Variants in ZNF385D observed in about 807,000 individuals in gnomAD.
ZNF385D encodes zinc finger protein 385D.
A neutral mutation model predicts 35.8 loss-of-function variants in ZNF385D; 15 were observed. The observed-to-expected ratio is 0.42, with a 90% CI of 0.28 to 0.64. The LOEUF is 0.64. ZNF385D is among the 30% of genes least tolerant of loss of function. The probability of loss-of-function intolerance (pLI) is 0.23; values close to 1 mark genes in which losing one functional copy is unlikely to be tolerated. For synonymous variants in ZNF385D, 212 were observed against 186.8 expected, an observed-to-expected ratio of 1.13 and a Z score of -1.10; for missense variants, 474 against 494.6, an observed-to-expected ratio of 0.96 and a Z score of 0.39.
At chr3:22,122,260 T>G (rs557484111) in intron 3 of ZNF385D, among the ~76,000 whole-genome samples, 1 of 152,286 alleles carries the variant, frequency 6.6e-6, no homozygotes, top group East Asian at 1.9e-4. Flanking sequence ...AGCTTGCAAG[T>G]GACAAGCATC....
intron 3 of ZNF385D, among the ~76,000 whole-genome samples, chr3:21,797,225 A>G (rs1483678814): frequency 6.6e-6 from 1 of 152,224 alleles, no homozygotes; most frequent in Non-Finnish European, 1.5e-5. Context: ...AAATAAGCCA[A>G]TGAAAAGATT....
At chr3:22,355,427 AAC>A (rs1423187910) in intron 2 of ZNF385D, among the ~76,000 whole-genome samples, 1 of 152,006 alleles carries the variant, frequency 6.6e-6, no homozygotes, top group African/African-American at 2.4e-5. Context: ...TCAGTAAAAC[AAC>A]AGTCAGACCT....
At chr3:21,964,522 C>T (rs1224008814) in intron 3 of ZNF385D, among the ~76,000 whole-genome samples, 2 of 125,880 alleles carry the variant, frequency 1.6e-5, no homozygotes, top group Non-Finnish European at 3.2e-5. Context: ...CGGAGTCTCA[C>T]TCTGTCGCCC....
intron 1 of ZNF385D, among the ~76,000 whole-genome samples, chr3:21,699,311 G>A (rs2067586749): frequency 6.6e-6 from 1 of 151,932 alleles, no homozygotes; most frequent in South Asian, 2.1e-4. Context: ...ACACAGGGAG[G>A]GGAACATCAC....
At chr3:21,500,524 T>C (rs1408801958) in intron 4 of ZNF385D, among the ~76,000 whole-genome samples, 1 of 152,214 alleles carries the variant, frequency 6.6e-6, no homozygotes, top group African/African-American at 2.4e-5. Flanking sequence ...GATTTGTTCA[T>C]GTTTCTGTGC....
intron 2 of ZNF385D, among the ~76,000 whole-genome samples, chr3:22,199,543 T>C (rs1215851268): frequency 1.3e-5 from 2 of 152,018 alleles, no homozygotes; most frequent in Non-Finnish European, 1.5e-5. Context: ...TTAATATTAC[T>C]GAAAAAGTCT....
chr3:21,976,445 C>T (rs1703629499), intron 3 of ZNF385D, among the ~76,000 whole-genome samples: 2 of 151,918 alleles, frequency 1.3e-5, no homozygotes, highest in Non-Finnish European at 1.5e-5. Context: ...AATACAATAA[C>T]TAAAATTGAT....
At chr3:21,580,820 T>C (rs1045941085) in intron 2 of ZNF385D, among the ~76,000 whole-genome samples, 1 of 151,974 alleles carries the variant, frequency 6.6e-6, no homozygotes, top group Non-Finnish European at 1.5e-5. Flanking sequence ...TATATATATA[T>C]GTATATACAT....
rs137989771 is a variant in ZNF385D at position 21,556,214 on chromosome 3, C to G, written c.276+8360G>C. On this transcript the variant is annotated intron_variant, in intron 3 of 7. Transcript: ENST00000281523. ...GATAGTTTCTTTTGCTGTGCAGAAG[C>G]TCTTTAGCTTAATTAGATCTCATTT... Among the ~76,000 whole-genome samples the G allele has an allele frequency of 1.3e-5, 2 of 151,904 alleles. 1 individual carries two copies. The highest frequency in any genetic ancestry group is 4.1e-4 in the South Asian group (2 of 4,820).
At chr3:21,701,424 C>A (rs1228831551) in intron 1 of ZNF385D, among the ~76,000 whole-genome samples, 1 of 152,116 alleles carries the variant, frequency 6.6e-6, no homozygotes, top group East Asian at 1.9e-4. Context: ...TCAGTTACCT[C>A]CCCCTGGGTC....
intron 3 of ZNF385D, among the ~76,000 whole-genome samples, chr3:21,994,882 A>G (rs1002785289): frequency 1.3e-5 from 2 of 152,182 alleles, no homozygotes; most frequent in African/African-American, 2.4e-5. Flanking sequence ...AGGCTTGGCT[A>G]TGTATGGGTA....
intron 3 of ZNF385D, among the ~76,000 whole-genome samples, chr3:21,516,096 A>T (rs1401581952): frequency 2.0e-5 from 3 of 152,150 alleles, no homozygotes; most frequent in African/African-American, 7.2e-5. Context: ...CTATGATTGC[A>T]TCCCCAACTA....
At chr3:21,775,261 G>A (rs1172608169) in intron 3 of ZNF385D, among the ~76,000 whole-genome samples, 1 of 151,776 alleles carries the variant, frequency 6.6e-6, no homozygotes, top group Non-Finnish European at 1.5e-5. Flanking sequence ...TTAATGCAGG[G>A]TTGCAAAGTA....
In ZNF385D at chr3:21,811,448, G is replaced by C. The variant is rs79093215; in HGVS notation, c.326-146420C>G. Among the ~76,000 whole-genome samples, 26 of 152,010 alleles carry C rather than the reference G, an allele frequency of 1.7e-4. No homozygotes were observed. The East Asian group carries it at 4.5e-3, about 26-fold the overall frequency. Reference sequence around the variant, plus strand: ...AGAAAGTTTTTCTACTTCCCAAGAGGGGACAATGTTAACAACAAAAAGAAT... The same window carrying C: ...AGAAAGTTTTTCTACTTCCCAAGAGCGGACAATGTTAACAACAAAAAGAAT... On this transcript the variant is annotated intron_variant, in intron 3 of 5. Coordinates refer to the ZNF385D transcript ENST00000494108.
At chr3:22,278,374 T>C (rs1319268138) in intron 2 of ZNF385D, among the ~76,000 whole-genome samples, 2 of 152,110 alleles carry the variant, frequency 1.3e-5, no homozygotes, top group African/African-American at 2.4e-5. Context: ...AATTGATTCA[T>C]TGAATAATCT....
intron 2 of ZNF385D, among the ~76,000 whole-genome samples, chr3:22,227,859 C>G (rs1042244417): frequency 2.0e-5 from 3 of 152,198 alleles, no homozygotes; most frequent in African/African-American, 7.2e-5. Flanking sequence ...TACCTCTGAG[C>G]TGCTTCTCTG....
At chr3:22,146,851 A>G (rs1479168270) in intron 3 of ZNF385D, among the ~76,000 whole-genome samples, 1 of 152,174 alleles carries the variant, frequency 6.6e-6, no homozygotes, top group Non-Finnish European at 1.5e-5. Context: ...CTGTAAGCCA[A>G]TGTGTCTAAA....
chr3:21,826,740 C>T (rs952264757), intron 3 of ZNF385D, among the ~76,000 whole-genome samples: 3 of 150,210 alleles, frequency 2.0e-5, no homozygotes, highest in African/African-American at 7.4e-5. Context: ...CATTAAATGA[C>T]AGCAGAAGGA....
At chr3:22,023,847 A>T (rs1697371324) in intron 3 of ZNF385D, among the ~76,000 whole-genome samples, 1 of 152,076 alleles carries the variant, frequency 6.6e-6, no homozygotes, top group African/African-American at 2.4e-5. Context: ...GGGCTGTAGG[A>T]TGAGGCAATG....
Sources: allele counts gnomAD v4.1 joint callset (sites outside exome capture counted in the v4.1 genomes callset), GRCh38; gene constraint gnomAD v4.1.1; transcripts MANE v1.5; gene names NCBI Gene and HGNC (gene_info 2026-07-23, HGNC 2026-07-21).